The following HELZ variants were observed in gnomAD, a reference collection of about 807,000 sequenced individuals.
HELZ encodes ATP-dependent RNA helicase with zinc finger domain.
A neutral mutation model predicts 218.2 loss-of-function variants in HELZ; 23 were observed. The observed-to-expected ratio is 0.11, with a 90% CI of 0.08 to 0.15. HELZ has a LOEUF of 0.15. Ranked by LOEUF, HELZ falls within the 10% of genes least tolerant of loss-of-function variation. The pLI is 1.00. For missense variants in HELZ, 1,813 were observed against 2,353.7 expected, an observed-to-expected ratio of 0.77 and a Z score of 4.75; for synonymous variants, 814 against 829.4, an observed-to-expected ratio of 0.98 and a Z score of 0.32.
chr17:67,209,352 C>T (rs553172505), intron 5 of HELZ, among the ~76,000 whole-genome samples: 1 of 152,130 alleles, frequency 6.6e-6, no homozygotes, highest in African/African-American at 2.4e-5. Context: ...AATCCCAACA[C>T]TTTGGGAGGC....
At chr17:67,116,719 T>C (rs1263141781) in intron 27 of HELZ, among the ~76,000 whole-genome samples, 2 of 152,172 alleles carry the variant, frequency 1.3e-5, no homozygotes, top group African/African-American at 4.8e-5. Flanking sequence ...CTTAGAAACC[T>C]GAACATTGAA....
intron 31 of HELZ, among the ~76,000 whole-genome samples, chr17:67,105,050 T>C (rs1389669460): frequency 6.6e-6 from 1 of 152,162 alleles, no homozygotes; most frequent in Non-Finnish European, 1.5e-5. Flanking sequence ...AGAGAATTGC[T>C]TGAACCTAGA....
chr17:67,147,911 G>A (rs895007407), intron 20 of HELZ, among the ~76,000 whole-genome samples: 2 of 152,186 alleles, frequency 1.3e-5, no homozygotes, highest in African/African-American at 4.8e-5. Flanking sequence ...ACCCAGGGAG[G>A]GCATGCCAGC....
intron 24 of HELZ, among the ~76,000 whole-genome samples, chr17:67,128,100 C>T (rs2037859883): frequency 6.6e-6 from 1 of 152,136 alleles, no homozygotes; most frequent in Middle Eastern, 3.2e-3. Flanking sequence ...CTTGACTCCC[C>T]TGCTCCACTC....
intron 5 of HELZ, among the ~76,000 whole-genome samples, chr17:67,208,695 T>C (rs2040368723): frequency 2.0e-5 from 3 of 152,164 alleles, no homozygotes; most frequent in South Asian, 4.1e-4. Flanking sequence ...GGTAGGAGGA[T>C]TGCTTGAACC....
intron 13 of HELZ, chr17:67,173,097 T>TA: frequency 1.1e-6 from 1 of 933,972 alleles, no homozygotes. Flanking sequence ...AGAAATAAAA[T>TA]AAAATAAAAG....
intron 31 of HELZ, among the ~76,000 whole-genome samples, chr17:67,090,578 T>C (rs550530429): frequency 6.6e-6 from 1 of 152,304 alleles, no homozygotes; most frequent in African/African-American, 2.4e-5. Flanking sequence ...TTAACAGTTA[T>C]AAGACTGTCC....
intron 3 of HELZ, among the ~76,000 whole-genome samples, chr17:67,227,385 C>T (rs111475536): frequency 0.031 from 4,673 of 151,998 alleles, 239 homozygotes; most frequent in African/African-American, 0.1. Flanking sequence ...TAGACGGTTT[C>T]GCCATGTTGG....
At chr17:67,245,062 G>A (rs1403294165) in intron 1 of HELZ, 86 bp downstream of exon 1, 6 of 984,374 alleles carry the variant, frequency 6.1e-6, no homozygotes, top group Admixed American at 6.2e-5. Flanking sequence ...CCGGGACACC[G>A]GAGGGGAGTC....
chr17:67,083,141 G>A (rs1567784665), intron 32 of HELZ, among the ~76,000 whole-genome samples: 1 of 151,964 alleles, frequency 6.6e-6, no homozygotes, highest in Non-Finnish European at 1.5e-5. Context: ...ACAGGTGTGA[G>A]CCACCATGTC....
chr17:67,205,314 G>C (rs1443768338), intron 5 of HELZ, among the ~76,000 whole-genome samples: 2 of 148,566 alleles, frequency 1.3e-5, no homozygotes, highest in African/African-American at 5.0e-5. Context: ...GGACAAGAGC[G>C]AAACTGTCTC....
At chr17:67,186,883 G>T (rs991234588) in intron 12 of HELZ, among the ~76,000 whole-genome samples, 1 of 152,124 alleles carries the variant, frequency 6.6e-6, no homozygotes, top group African/African-American at 2.4e-5. Flanking sequence ...GGTTCTCAAG[G>T]TCTGGTCTCT....
chr17:67,229,553 A>G (rs1195149052), intron 3 of HELZ, among the ~76,000 whole-genome samples: 2 of 152,198 alleles, frequency 1.3e-5, no homozygotes, highest in Non-Finnish European at 2.9e-5. Context: ...ATTTTATACC[A>G]TCTTTATCCC....
In HELZ at chr17:67,123,113, T is replaced by C. The variant is rs1412254530; in HGVS notation, c.3487A>G (p.Thr1163Ala). 6.2e-7 allele frequency: 1 copy of C among 1,613,386 alleles called. No individual in the cohort carries two copies. Among genetic ancestry groups the C allele is most frequent in the African/African-American group, 1.3e-5 (1 of 74,826 alleles). ...VLIGNPIRAY[T>A]PPPPLGPHPN... ...TGAGGTCCAAGAGGGGGTGGAGGAG[T>C]ATATGCTCTAATAGGATTGCCAATA... is the stretch of plus-strand genomic sequence containing the variant. The change falls in exon 26 of 33, where the codon ACT (threonine) becomes GCT (alanine). Residue 1163 changes from threonine to alanine, a missense_variant. Physicochemically the swap from Thr to Ala is moderately conservative, Grantham distance 58. This residue lies in a region of HELZ where 938 missense variants were observed against 1,027.5 expected (regional missense o/e 0.91). Coordinates refer to ENST00000358691, the MANE Select transcript of HELZ (RefSeq NM_014877.4).
intron 3 of HELZ, among the ~76,000 whole-genome samples, chr17:67,233,647 G>C (rs2041097222): frequency 6.6e-6 from 1 of 151,986 alleles, no homozygotes; most frequent in Admixed American, 6.6e-5. Flanking sequence ...TTCCTTCTAG[G>C]ATTAAAATTC....
At chr17:67,203,578 C>A in intron 5 of HELZ, 135 bp from the exon 6 acceptor site, 3 of 992,542 alleles carry the variant, frequency 3.0e-6, no homozygotes, top group Non-Finnish European at 4.4e-6. Flanking sequence ...TAGAGGGAAG[C>A]AGTGGTGTTT....
At chr17:67,215,677 A>G (rs1266035322) in intron 5 of HELZ, 2 of 547,218 alleles carry the variant, frequency 3.7e-6, no homozygotes, top group Non-Finnish European at 3.4e-6. Flanking sequence ...CACATCATCA[A>G]TGTTCCCAGG....
chr17:67,201,592 G>A (rs1168621509), intron 6 of HELZ, among the ~76,000 whole-genome samples: 2 of 152,130 alleles, frequency 1.3e-5, no homozygotes, highest in Admixed American at 1.3e-4. Flanking sequence ...GATTCAGGAA[G>A]ATTCATATAA....
intron 28 of HELZ, among the ~76,000 whole-genome samples, chr17:67,111,417 T>C (rs749999057): frequency 9.9e-5 from 15 of 152,134 alleles, no homozygotes; most frequent in Non-Finnish European, 2.1e-4. Context: ...CACGTCAATC[T>C]CCTTACAAGT....
Sources: gnomAD v4.1 joint callset for allele counts (sites outside exome capture counted in the v4.1 genomes callset) on GRCh38, gnomAD v4.1.1 for gene constraint, gnomAD v4.1.1 regional missense constraint, MANE v1.5 for transcripts, NCBI Gene and HGNC (gene_info 2026-07-23, HGNC 2026-07-21) for gene names.